Variants in PTPRK observed in about 807,000 individuals in gnomAD.
The protein encoded by PTPRK is protein tyrosine phosphatase receptor type K.
PTPRK carries 75 observed loss-of-function variants against 178.0 expected under a neutral mutation model. The observed-to-expected ratio is 0.42, with a 90% CI of 0.35 to 0.51. The LOEUF (loss-of-function observed/expected upper bound fraction) is 0.51, where lower values mean the gene tolerates loss of function less well. PTPRK is among the 20% of genes least tolerant of loss of function. PTPRK has a pLI of 0.02. For missense variants in PTPRK, 1,441 were observed against 1,797.8 expected (o/e 0.80, Z 3.59); for synonymous variants, 637 against 620.6 (o/e 1.03, Z -0.39).
intron 3 of PTPRK, among the ~76,000 whole-genome samples, chr6:128,247,982 G>A (rs1020874716): frequency 5.3e-5 from 8 of 152,148 alleles, no homozygotes; most frequent in Non-Finnish European, 7.4e-5. Context: ...CTAACGTTCA[G>A]AATAAATCAC....
At chr6:128,400,765 A>G (rs1339954704) in intron 1 of PTPRK, among the ~76,000 whole-genome samples, 3 of 152,204 alleles carry the variant, frequency 2.0e-5, no homozygotes, top group Non-Finnish European at 4.4e-5. Context: ...TGAGTTCAAG[A>G]CATCTTTATG....
At chr6:128,243,509 A>AAAAG (rs1814879536) in intron 3 of PTPRK, among the ~76,000 whole-genome samples, 19 of 137,696 alleles carry the variant, frequency 1.4e-4, no homozygotes, top group African/African-American at 5.2e-4. Flanking sequence ...AAAAAAAAAA[A>AAAAG]AAAAGAAAAG....
At chr6:127,986,372 C>T (rs1775979306) in intron 21 of PTPRK, among the ~76,000 whole-genome samples, 2 of 152,080 alleles carry the variant, frequency 1.3e-5, no homozygotes, top group Admixed American at 1.3e-4. Flanking sequence ...CAGTGCTGCT[C>T]TAGATTGGCT....
intron 7 of PTPRK, among the ~76,000 whole-genome samples, chr6:128,162,749 T>C (rs1430253515): frequency 6.6e-6 from 1 of 151,654 alleles, no homozygotes; most frequent in East Asian, 1.9e-4. Context: ...GTAGAGAATC[T>C]TGCTCAGAGA....
At chr6:128,298,471 T>C (rs1318579321) in intron 3 of PTPRK, among the ~76,000 whole-genome samples, 1 of 151,340 alleles carries the variant, frequency 6.6e-6, no homozygotes, top group African/African-American at 2.5e-5. Context: ...AAATCCTCAA[T>C]AAAATACTGG....
chr6:128,129,428 C>A (rs1793874921), intron 7 of PTPRK, among the ~76,000 whole-genome samples: 1 of 152,126 alleles, frequency 6.6e-6, no homozygotes. Context: ...CATTAGAACA[C>A]CCATTAGCTT....
chr6:128,464,674 T>TATATATATATACAA (rs1407701569), intron 1 of PTPRK, among the ~76,000 whole-genome samples: 8 of 124,756 alleles, frequency 6.4e-5, no homozygotes, highest in African/African-American at 2.5e-4. Context: ...TATATATATA[T>TATATATATATACAA]ACAACAGATG....
chr6:128,422,499 C>T (rs1446071520), intron 1 of PTPRK, among the ~76,000 whole-genome samples: 2 of 152,078 alleles, frequency 1.3e-5, no homozygotes, highest in Non-Finnish European at 2.9e-5. Context: ...TTATTCACTT[C>T]ATCTTTGGAC....
In PTPRK at chr6:128,165,543, C is replaced by T. The variant is rs78600029; in HGVS notation, c.1162+18889G>A. Among the ~76,000 whole-genome samples, 777 of 151,066 alleles carry T rather than the reference C, an allele frequency of 5.1e-3. 2 individuals are homozygous for T. The highest frequency in any genetic ancestry group is 0.018 in the African/African-American group (736 of 41,434). ...CCCTGGATTATGAAGTTAACCATGG[C>T]TTCGCATTATTCCTATATAAATATG... is the stretch of plus-strand genomic sequence containing the variant. On this transcript the variant is annotated intron_variant, in intron 7 of 29. Coordinates refer to ENST00000368226, the MANE Select transcript of PTPRK (RefSeq NM_002844.4).
chr6:127,975,887 G>A (rs1774518701), intron 27 of PTPRK, among the ~76,000 whole-genome samples: 2 of 152,080 alleles, frequency 1.3e-5, no homozygotes, highest in African/African-American at 4.8e-5. Flanking sequence ...TGCCAGGCTG[G>A]TCTTGAACTC....
chr6:128,102,490 T>C (rs1036201226), intron 7 of PTPRK, among the ~76,000 whole-genome samples: 2 of 152,170 alleles, frequency 1.3e-5, no homozygotes, highest in Non-Finnish European at 2.9e-5. Context: ...GACTACATGC[T>C]TTCATTGTAA....
At chr6:127,976,626 G>T in intron 27 of PTPRK, 31 bp downstream of exon 27, 1 of 1,612,866 alleles carries the variant, frequency 6.2e-7, no homozygotes, top group Non-Finnish European at 8.5e-7. Context: ...ACCTATTCTA[G>T]ATCAGCTCAA....
intron 2 of PTPRK, 144 bp downstream of exon 2, chr6:128,397,422 G>C (rs376557689): frequency 9.9e-6 from 9 of 908,348 alleles, no homozygotes; most frequent in Admixed American, 4.9e-5. Context: ...GAAAGGCAAA[G>C]AATAAGGCTC....
intron 5 of PTPRK, among the ~76,000 whole-genome samples, chr6:128,228,415 G>A (rs1392375112): frequency 6.6e-6 from 1 of 151,242 alleles, no homozygotes; most frequent in Non-Finnish European, 1.5e-5. Context: ...GGGAGGCCGA[G>A]GCAGGTTGAT....
intron 1 of PTPRK, among the ~76,000 whole-genome samples, chr6:128,456,908 T>C (rs1484096864): frequency 6.6e-6 from 1 of 152,130 alleles, no homozygotes; most frequent in Non-Finnish European, 1.5e-5. Context: ...GAAAAATACA[T>C]TTCCCAAAAT....
intron 10 of PTPRK, among the ~76,000 whole-genome samples, chr6:128,080,721 T>C (rs549747843): frequency 1.7e-4 from 26 of 152,150 alleles, no homozygotes; most frequent in African/African-American, 6.3e-4. Context: ...TGCTGAGAAA[T>C]GTAATTACCG....
At chr6:128,480,145 C>A (rs561888648) in intron 1 of PTPRK, among the ~76,000 whole-genome samples, 6 of 152,138 alleles carry the variant, frequency 3.9e-5, no homozygotes. Context: ...TCAGTGAGCT[C>A]ATTGTTCTCA....
intron 1 of PTPRK, among the ~76,000 whole-genome samples, chr6:128,435,075 AG>A (rs1437137366): frequency 9.1e-6 from 1 of 109,342 alleles, no homozygotes; most frequent in Admixed American, 8.0e-5. Context: ...GAAGGAAGGA[AG>A]GAAGGAAGGA....
At chr6:128,444,665 A>G (rs1424201037) in intron 1 of PTPRK, among the ~76,000 whole-genome samples, 2 of 152,220 alleles carry the variant, frequency 1.3e-5, no homozygotes, top group East Asian at 3.9e-4. Context: ...ATAGATGGTA[A>G]GTAAGAAATA....
Sources: gnomAD v4.1 joint callset for allele counts (sites outside exome capture counted in the v4.1 genomes callset) on GRCh38, gnomAD v4.1.1 for gene constraint, MANE v1.5 for transcripts, NCBI Gene and HGNC (gene_info 2026-07-23, HGNC 2026-07-21) for gene names.